The following GALNT17 variants were observed in gnomAD, a reference collection of about 807,000 sequenced individuals.
The protein encoded by GALNT17 is UDP-GalNAc:polypeptide N-acetylgalactosaminyltransferase-like 3.
Under a neutral mutation model 63.7 loss-of-function variants are expected in GALNT17, and 29 were observed. The observed-to-expected ratio is 0.46, with a 90% CI of 0.34 to 0.62. The LOEUF (loss-of-function observed/expected upper bound fraction) is 0.62. Ranked by LOEUF, GALNT17 falls within the 20% of genes least tolerant of loss-of-function variation. The pLI, the probability that GALNT17 is intolerant of heterozygous loss-of-function variation, is 0.01. For missense variants in GALNT17, 603 were observed against 799.6 expected, an observed-to-expected ratio of 0.75 and a Z score of 2.97; for synonymous variants, 305 against 318.3, an observed-to-expected ratio of 0.96 and a Z score of 0.45.
chr7:71,435,676 A>G (rs1313526705), intron 5 of GALNT17, among the ~76,000 whole-genome samples: 2 of 151,888 alleles, frequency 1.3e-5, no homozygotes, highest in Admixed American at 6.6e-5. Flanking sequence ...GACCCAACCA[A>G]TCAACACTCT....
chr7:71,661,715 C>A (rs1034093372), intron 6 of GALNT17, among the ~76,000 whole-genome samples: 3 of 152,120 alleles, frequency 2.0e-5, no homozygotes, highest in Admixed American at 2.0e-4. Context: ...CTTGCTGGAC[C>A]CCACAGCAGG....
chr7:71,243,561 T>C (rs1790039842), intron 1 of GALNT17, among the ~76,000 whole-genome samples: 1 of 152,226 alleles, frequency 6.6e-6, no homozygotes, highest in East Asian at 1.9e-4. Flanking sequence ...TGTTTCTCTT[T>C]TCTTTTCTTG....
At chr7:71,454,679 A>G (rs944989377) in intron 5 of GALNT17, among the ~76,000 whole-genome samples, 5 of 152,206 alleles carry the variant, frequency 3.3e-5, no homozygotes, top group African/African-American at 1.2e-4. Flanking sequence ...AATATTTACC[A>G]AAGGAGAAAT....
chr7:71,181,251 C>T (rs200837812), intron 1 of GALNT17, among the ~76,000 whole-genome samples: 5 of 134,822 alleles, frequency 3.7e-5, no homozygotes, highest in Admixed American at 2.9e-4. Context: ...CAAGACTCGT[C>T]TTAAAAAAAA....
intron 5 of GALNT17, among the ~76,000 whole-genome samples, chr7:71,550,292 A>G (rs913498972): frequency 2.0e-5 from 3 of 152,140 alleles, no homozygotes; most frequent in Non-Finnish European, 2.9e-5. Flanking sequence ...TGGGTCATAC[A>G]TAGCTATGAT....
intron 1 of GALNT17, among the ~76,000 whole-genome samples, chr7:71,134,449 G>A (rs1007254886): frequency 2.0e-5 from 3 of 152,186 alleles, no homozygotes; most frequent in Non-Finnish European, 4.4e-5. Context: ...AAAGGTCCCT[G>A]CTGGGTACTG....
chr7:71,319,257 C>G (rs1286189550), intron 1 of GALNT17, among the ~76,000 whole-genome samples: 4 of 151,998 alleles, frequency 2.6e-5, no homozygotes, highest in Non-Finnish European at 5.9e-5. Flanking sequence ...TTCTTTGCCT[C>G]TTGTTCTCTC....
chr7:71,303,793 A>G (rs1204539450), intron 1 of GALNT17, among the ~76,000 whole-genome samples: 3 of 152,116 alleles, frequency 2.0e-5, no homozygotes, highest in African/African-American at 4.8e-5. Context: ...CTTGACCTCA[A>G]ACATTTGAGA....
At chr7:71,151,053 A>G (rs1026784327) in intron 1 of GALNT17, among the ~76,000 whole-genome samples, 2 of 151,510 alleles carry the variant, frequency 1.3e-5, no homozygotes, top group Non-Finnish European at 2.9e-5. Context: ...CTGTCCAGCC[A>G]TCTCCTGCTA....
intron 3 of GALNT17, among the ~76,000 whole-genome samples, chr7:71,399,350 A>G (rs2116381348): frequency 6.6e-6 from 1 of 152,302 alleles, no homozygotes; most frequent in Non-Finnish European, 1.5e-5. Flanking sequence ...CCAGTTCCAA[A>G]GGCACCTGCT....
intron 6 of GALNT17, among the ~76,000 whole-genome samples, chr7:71,603,618 C>G (rs992220536): frequency 1.3e-5 from 2 of 151,772 alleles, no homozygotes; most frequent in African/African-American, 4.8e-5. Flanking sequence ...AGGTACTATG[C>G]TAAGTGCATA....
chr7:71,206,704 T>C (rs966759132), intron 1 of GALNT17, among the ~76,000 whole-genome samples: 2 of 152,116 alleles, frequency 1.3e-5, no homozygotes, highest in African/African-American at 4.8e-5. Context: ...AGACCTCTAC[T>C]TGATCAGGGT....
In GALNT17 at chr7:71,264,250, A is replaced by G. The variant is rs138115521; in HGVS notation, c.239-71300A>G. 2.4e-3 allele frequency among the ~76,000 whole-genome samples: 370 copies of G among 152,180 alleles called. 11 individuals carry two copies. The highest frequency in any genetic ancestry group is 0.02 in the Admixed American group (299 of 15,286). On this transcript the variant is annotated intron_variant, in intron 1 of 10. Coordinates refer to ENST00000333538, the MANE Select transcript of GALNT17 (RefSeq NM_022479.3). Reference sequence around the variant, plus strand: ...GCATGCCGCACATGCTTTCTTTATCATAGGCCCTCTTAGTTTGACAGCTGA... The same window carrying G: ...GCATGCCGCACATGCTTTCTTTATCGTAGGCCCTCTTAGTTTGACAGCTGA...
intron 1 of GALNT17, among the ~76,000 whole-genome samples, chr7:71,302,929 A>G (rs1038589068): frequency 2.0e-5 from 3 of 152,072 alleles, no homozygotes; most frequent in Non-Finnish European, 4.4e-5. Flanking sequence ...TGTTGGCTCA[A>G]TCTTGACTCA....
chr7:71,420,896 TC>T lies in GALNT17; in HGVS notation c.765-11del. ...AGAAGAGAGGTTTCATGTCTATTTC[TC>T]TATGTTTCAGGGCTGAGCCGGTTCT... On this transcript the variant is annotated splice_polypyrimidine_tract_variant and intron_variant, in intron 4 of 10. Transcript: ENST00000333538. 2.0e-6 allele frequency: 3 copies of T among 1,517,544 alleles called. No individual in the cohort carries two copies. The highest frequency in any genetic ancestry group is 2.7e-6 in the Non-Finnish European group (3 of 1,108,088). 94.0% of individuals were successfully genotyped at this position (1,517,544 alleles called of 1,614,324 possible). A position where few individuals can be genotyped will look rare whatever the true frequency, so the allele number is the denominator to read the frequency against.
intron 1 of GALNT17, among the ~76,000 whole-genome samples, chr7:71,216,769 C>T (rs1184464167): frequency 6.6e-6 from 1 of 151,898 alleles, no homozygotes; most frequent in East Asian, 1.9e-4. Context: ...CACAGAGACA[C>T]ACAAATACAC....
intron 2 of GALNT17, among the ~76,000 whole-genome samples, chr7:71,344,341 G>A (rs7385083): frequency 0.58 from 88,132 of 151,926 alleles, 25,674 homozygotes; most frequent in South Asian, 0.6. Flanking sequence ...GCACTCCATG[G>A]CTCAGGGGAC....
intron 1 of GALNT17, among the ~76,000 whole-genome samples, chr7:71,149,960 G>T (rs1225767775): frequency 1.3e-5 from 2 of 152,252 alleles, no homozygotes; most frequent in Non-Finnish European, 2.9e-5. Context: ...TCCAGCTGAG[G>T]TCCCAGGCCC....
chr7:71,687,351 G>A (rs544852105), intron 9 of GALNT17, among the ~76,000 whole-genome samples: 5 of 152,210 alleles, frequency 3.3e-5, no homozygotes, highest in East Asian at 3.9e-4. Flanking sequence ...TAAGGCACCC[G>A]TGCCCTGCTG....
Sources: gnomAD v4.1 joint callset for allele counts (sites outside exome capture counted in the v4.1 genomes callset) on GRCh38, gnomAD v4.1.1 for gene constraint, MANE v1.5 for transcripts, NCBI Gene and HGNC (gene_info 2026-07-23, HGNC 2026-07-21) for gene names.